Variants in SUFU observed in about 807,000 individuals in gnomAD.
SUFU encodes SUFU negative regulator of hedgehog signaling.
Under a neutral mutation model 58.9 loss-of-function variants are expected in SUFU, and 7 were observed. The ratio of observed to expected loss-of-function variants is 0.12; its 90% CI spans 0.07 to 0.22. The LOEUF is 0.22. SUFU is among the 10% of genes least tolerant of loss of function. SUFU has a pLI of 1.00. For synonymous variants in SUFU, 232 were observed against 254.8 expected, an observed-to-expected ratio of 0.91 and a Z score of 0.85; for missense variants, 451 against 641.3, an observed-to-expected ratio of 0.70 and a Z score of 3.20.
chr10:102,622,669 C>G (rs937781405), intron 10 of SUFU, among the ~76,000 whole-genome samples: 1 of 150,194 alleles, frequency 6.7e-6, no homozygotes, highest in Non-Finnish European at 1.5e-5. Context: ...AACTCCAGCC[C>G]CTGGCCGGGC....
intron 3 of SUFU, chr10:102,573,184 T>A: frequency 1.3e-6 from 1 of 758,932 alleles, no homozygotes; most frequent in Admixed American, 1.7e-5. Context: ...TGGCTTCGGC[T>A]TTAGGAGGAG....
At chr10:102,553,515 G>A (rs534211814) in intron 3 of SUFU, among the ~76,000 whole-genome samples, 80 of 151,418 alleles carry the variant, frequency 5.3e-4, no homozygotes, top group Non-Finnish European at 9.1e-4. Flanking sequence ...CCAGGCTGGA[G>A]TGCAGTGGTG....
At chr10:102,534,474 A>G (rs976853105) in intron 2 of SUFU, among the ~76,000 whole-genome samples, 5 of 152,180 alleles carry the variant, frequency 3.3e-5, no homozygotes, top group Non-Finnish European at 7.4e-5. Context: ...TTCCCCACCT[A>G]GGAAGTCCCC....
chr10:102,604,629 G>A (rs1344827792), intron 8 of SUFU, among the ~76,000 whole-genome samples: 2 of 152,156 alleles, frequency 1.3e-5, no homozygotes, highest in Non-Finnish European at 2.9e-5. Context: ...AGGCTCAAAG[G>A]TAAGAGCTAG....
chr10:102,518,522 T>TATCTATCTATCC (rs1325333046), intron 2 of SUFU, among the ~76,000 whole-genome samples: 4 of 150,328 alleles, frequency 2.7e-5, no homozygotes, highest in African/African-American at 7.4e-5. Context: ...TCTGTCTGTC[T>TATCTATCTATCC]ATCTATCTAT....
chr10:102,612,170 TGTGTG>T (rs2063632049), intron 8 of SUFU, among the ~76,000 whole-genome samples: 1 of 626 alleles, frequency 1.6e-3, no homozygotes, highest in Non-Finnish European at 4.1e-3. Context: ...ACTGGGTTCT[TGTGTG>T]TGTGTGTGTG....
intron 3 of SUFU, among the ~76,000 whole-genome samples, chr10:102,566,402 G>T (rs1386204049): frequency 6.6e-6 from 1 of 152,134 alleles, no homozygotes; most frequent in Non-Finnish European, 1.5e-5. Context: ...GGCTGAGATG[G>T]GTGGATCACC....
chr10:102,610,298 C>T (rs970319404), intron 8 of SUFU, among the ~76,000 whole-genome samples: 7 of 147,600 alleles, frequency 4.7e-5, no homozygotes, highest in Non-Finnish European at 8.9e-5. Context: ...TAGGCTGAGG[C>T]AGGAGAATTG....
intron 3 of SUFU, among the ~76,000 whole-genome samples, chr10:102,559,935 T>C (rs147969755): frequency 6.6e-6 from 1 of 152,318 alleles, no homozygotes; most frequent in African/African-American, 2.4e-5. Context: ...GGCAACCTCA[T>C]GACATGTGCT....
rs2062710164 is a variant in SUFU at position 102,534,282 on chromosome 10, G to A, written c.318-15688G>A. 2.0e-5 allele frequency among the ~76,000 whole-genome samples: 3 copies of A among 152,286 alleles called. No individual in the cohort carries two copies. In the South Asian group the frequency reaches 6.2e-4, roughly 32 times the overall value. On this transcript the variant is annotated intron_variant, in intron 2 of 11. Coordinates refer to ENST00000369902, the MANE Select transcript of SUFU (RefSeq NM_016169.4). Reference sequence around the variant, plus strand: ...TCTCTACTAAAAATACAAAAAATAAGCCGGTGTGGTGGCAGGTGCCTATAG... The same window carrying A: ...TCTCTACTAAAAATACAAAAAATAAACCGGTGTGGTGGCAGGTGCCTATAG...
At chr10:102,575,956 G>A (rs975975137) in intron 3 of SUFU, among the ~76,000 whole-genome samples, 2 of 151,816 alleles carry the variant, frequency 1.3e-5, no homozygotes, top group African/African-American at 4.8e-5. Context: ...TCCCACCTTA[G>A]CCTCTGAGTG....
chr10:102,503,211 T>G (rs919199153), upstream of SUFU, among the ~76,000 whole-genome samples: 3 of 152,246 alleles, frequency 2.0e-5, no homozygotes, highest in African/African-American at 7.2e-5. Flanking sequence ...AGAGGACATA[T>G]TCCTACAACA....
chr10:102,592,521 C>G, intron 3 of SUFU, 61 bp from the exon 4 acceptor site: 1 of 1,607,476 alleles, frequency 6.2e-7, no homozygotes, highest in Middle Eastern at 1.8e-4. Context: ...AGATCCCAGC[C>G]CAGATTCCAG....
At position 102,630,767 on chromosome 10, in the gene SUFU, C is replaced by A. The variant is rs987239530; in HGVS notation, c.*612C>A. On this transcript the variant is annotated 3_prime_UTR_variant, in exon 12 of 12. Coordinates refer to ENST00000369902, the MANE Select transcript of SUFU (RefSeq NM_016169.4). ...TCATTCCCCGTTGAACTTTCGCATT[C>A]TCTGACAGAGGCCTAGGGCTGTATC... 1.6e-5 allele frequency: 4 copies of A among 249,768 alleles called. No homozygotes were observed. The highest frequency in any genetic ancestry group is 3.2e-5 in the Non-Finnish European group (4 of 126,968). The allele number at this position is 249,768 out of a possible 1,614,324, so 15.5% of individuals were successfully genotyped here. A position where few individuals can be genotyped will look rare whatever the true frequency, so the allele number is the denominator to read the frequency against.
chr10:102,594,119 A>G, intron 6 of SUFU, 54 bp downstream of exon 6: 3 of 1,559,842 alleles, frequency 1.9e-6, no homozygotes, highest in Non-Finnish European at 1.8e-6. Context: ...GGCCTCTTCC[A>G]AATAACACTG....
intron 8 of SUFU, among the ~76,000 whole-genome samples, chr10:102,612,195 G>A (rs1041813872): frequency 4.6e-5 from 5 of 108,942 alleles, no homozygotes; most frequent in African/African-American, 1.7e-4. Flanking sequence ...GTGTGTGTGT[G>A]TGTGTGTGTG....
At chr10:102,602,178 G>T (rs201810478) in intron 8 of SUFU, among the ~76,000 whole-genome samples, 2 of 152,168 alleles carry the variant, frequency 1.3e-5, no homozygotes, top group Admixed American at 6.5e-5. Context: ...TCCTGTGGTC[G>T]ATAATCTTAC....
At chr10:102,581,217 A>G (rs1254532496) in intron 3 of SUFU, among the ~76,000 whole-genome samples, 23 of 107,474 alleles carry the variant, frequency 2.1e-4, no homozygotes, top group African/African-American at 6.8e-4. Flanking sequence ...AAAAAGAAGA[A>G]GAAGAAATTA....
At chr10:102,627,086 TG>T in intron 10 of SUFU, 88 bp from the exon 11 acceptor site, 1 of 1,386,058 alleles carries the variant, frequency 7.2e-7, no homozygotes. Context: ...CTCTCCTCCA[TG>T]GTCAGAAGAG....
Sources: gnomAD v4.1 joint callset for allele counts (sites outside exome capture counted in the v4.1 genomes callset) on GRCh38, gnomAD v4.1.1 for gene constraint, MANE v1.5 for transcripts, NCBI Gene and HGNC (gene_info 2026-07-23, HGNC 2026-07-21) for gene names.